MAGI2: variants seen among roughly 807,000 people sequenced by gnomAD.
MAGI2 encodes the protein membrane-associated guanylate kinase, WW and PDZ domain-containing protein 2.
MAGI2 carries 35 observed loss-of-function variants against 133.3 expected under a neutral mutation model. That is an observed-to-expected ratio of 0.26 (90% CI 0.20 to 0.35). The LOEUF (loss-of-function observed/expected upper bound fraction) is 0.35. Ranked by LOEUF, MAGI2 falls within the 10% of genes least tolerant of loss-of-function variation. MAGI2 has a pLI of 1.00. For missense variants in MAGI2, 1,636 were observed against 1,863.4 expected, an observed-to-expected ratio of 0.88 and a Z score of 2.25; for synonymous variants, 729 against 710.6, an observed-to-expected ratio of 1.03 and a Z score of -0.41.
chr7:78,957,281 A>AAAAAG (rs1297420171), intron 2 of MAGI2, among the ~76,000 whole-genome samples: 35 of 150,234 alleles, frequency 2.3e-4, no homozygotes, highest in Admixed American at 4.7e-4. Flanking sequence ...AAAAAAAAAA[A>AAAAAG]AAAAGAAAAG....
At chr7:78,682,331 G>A (rs967599271) in intron 2 of MAGI2, among the ~76,000 whole-genome samples, 7 of 151,908 alleles carry the variant, frequency 4.6e-5, no homozygotes, top group Non-Finnish European at 8.8e-5. Context: ...CAATCGACCC[G>A]TCATCTACAT....
At chr7:78,670,260 C>T (rs1049008198) in intron 2 of MAGI2, among the ~76,000 whole-genome samples, 7 of 152,132 alleles carry the variant, frequency 4.6e-5, no homozygotes, top group African/African-American at 1.7e-4. Flanking sequence ...AAATCACAAG[C>T]ATTCTTATAC....
intron 2 of MAGI2, among the ~76,000 whole-genome samples, chr7:78,697,560 A>T (rs1487806246): frequency 6.6e-6 from 1 of 152,196 alleles, no homozygotes. Flanking sequence ...AAATGAGATC[A>T]TCCACCTATT....
intron 1 of MAGI2, among the ~76,000 whole-genome samples, chr7:79,176,445 A>G (rs1826104738): frequency 6.6e-6 from 1 of 152,044 alleles, no homozygotes; most frequent in Admixed American, 6.6e-5. Context: ...TCACAATGGC[A>G]TATCTTAAGA....
chr7:78,368,599 T>C (rs995228216), intron 7 of MAGI2, among the ~76,000 whole-genome samples: 1 of 152,098 alleles, frequency 6.6e-6, no homozygotes, highest in Non-Finnish European at 1.5e-5. Context: ...GAATAGTGTA[T>C]TTGTTCCGAA....
intron 9 of MAGI2, among the ~76,000 whole-genome samples, chr7:78,298,628 C>T (rs3915114): frequency 8.9e-4 from 135 of 152,160 alleles, no homozygotes; most frequent in African/African-American, 3.1e-3. Flanking sequence ...CTCAGCCTCC[C>T]GAATAGCTGG....
chr7:78,999,236 G>A (rs935158281), intron 2 of MAGI2, among the ~76,000 whole-genome samples: 1 of 151,636 alleles, frequency 6.6e-6, no homozygotes, highest in African/African-American at 2.4e-5. Flanking sequence ...AGCCAATCAA[G>A]TCAGGGCAAA....
chr7:78,876,760 T>C (rs1795456269), intron 2 of MAGI2, among the ~76,000 whole-genome samples: 2 of 152,236 alleles, frequency 1.3e-5, no homozygotes, highest in Admixed American at 1.3e-4. Context: ...TCCATGCTTT[T>C]TAGAAGAAAG....
At chr7:78,343,272 A>T (rs1051546830) in intron 9 of MAGI2, among the ~76,000 whole-genome samples, 19 of 152,330 alleles carry the variant, frequency 1.2e-4, no homozygotes, top group African/African-American at 4.3e-4. Flanking sequence ...ATGAAAAATA[A>T]TTTTTAAGGG....
At chr7:78,923,626 G>T (rs562914064) in intron 2 of MAGI2, among the ~76,000 whole-genome samples, 85 of 152,266 alleles carry the variant, frequency 5.6e-4, no homozygotes, top group African/African-American at 1.8e-3. Flanking sequence ...GTCAGGTAGC[G>T]TGATGCCTCT....
intron 1 of MAGI2, among the ~76,000 whole-genome samples, chr7:79,091,323 A>G (rs1331594220): frequency 6.6e-6 from 1 of 152,150 alleles, no homozygotes; most frequent in East Asian, 1.9e-4. Flanking sequence ...GAAACGTCAC[A>G]CCAAGCATCA....
chr7:78,507,006 T>A (rs551646067), intron 4 of MAGI2, among the ~76,000 whole-genome samples: 91 of 152,344 alleles, frequency 6.0e-4, no homozygotes, highest in African/African-American at 2.0e-3. Context: ...TCCCAGTTTA[T>A]CTGTTTATTC....
chr7:78,892,486 A>G (rs919974013), intron 2 of MAGI2, among the ~76,000 whole-genome samples: 4 of 152,024 alleles, frequency 2.6e-5, no homozygotes, highest in East Asian at 3.8e-4. Flanking sequence ...ACTATACTAC[A>G]AGGCTACAGT....
At chr7:78,644,328 T>C (rs1034799237) in intron 2 of MAGI2, among the ~76,000 whole-genome samples, 2 of 152,074 alleles carry the variant, frequency 1.3e-5, no homozygotes, top group Non-Finnish European at 2.9e-5. Context: ...ATTAACCTAA[T>C]TGACATTTAT....
chr7:78,989,083 G>A (rs1406048863), intron 2 of MAGI2, among the ~76,000 whole-genome samples: 1 of 152,058 alleles, frequency 6.6e-6, no homozygotes, highest in Non-Finnish European at 1.5e-5. Flanking sequence ...AGTGGAAACT[G>A]TACTAGTAGA....
intron 6 of MAGI2, among the ~76,000 whole-genome samples, chr7:78,410,231 G>A (rs528837389): frequency 7.2e-5 from 11 of 152,038 alleles, no homozygotes; most frequent in South Asian, 2.1e-4. Context: ...AATAGTTGGC[G>A]AAGACTTTAC....
intron 7 of MAGI2, among the ~76,000 whole-genome samples, chr7:78,359,624 C>A (rs976530746): frequency 2.6e-5 from 4 of 152,092 alleles, no homozygotes; most frequent in Non-Finnish European, 5.9e-5. Context: ...TTCTGAGAGG[C>A]CTTCTTTCCA....
chr7:79,164,403 G>A (rs1031126109), intron 1 of MAGI2, among the ~76,000 whole-genome samples: 1 of 151,974 alleles, frequency 6.6e-6, no homozygotes, highest in Non-Finnish European at 1.5e-5. Context: ...GTCTTTTGTG[G>A]GGGAAAATTT....
intron 2 of MAGI2, among the ~76,000 whole-genome samples, chr7:78,977,515 G>T (rs982255329): frequency 6.9e-4 from 22 of 31,858 alleles, no homozygotes; most frequent in African/African-American, 1.9e-3. Context: ...AAGAAAGAAA[G>T]AAAGAAAGAA....
Sources: gnomAD v4.1 joint callset for allele counts (sites outside exome capture counted in the v4.1 genomes callset) on GRCh38, gnomAD v4.1.1 for gene constraint, MANE v1.5 for transcripts, NCBI Gene and HGNC (gene_info 2026-07-23, HGNC 2026-07-21) for gene names.